PIK3C2G: variants seen among roughly 807,000 people sequenced by gnomAD.
The protein encoded by PIK3C2G is phosphatidylinositol 3-kinase C2 domain-containing subunit gamma.
In PIK3C2G, 168 loss-of-function variants were observed where a neutral mutation model predicts 181.1. The observed-to-expected ratio is 0.93, with a 90% CI of 0.82 to 1.05. The LOEUF (loss-of-function observed/expected upper bound fraction) is 1.05, where lower values mean the gene tolerates loss of function less well. PIK3C2G is among the 50% of genes least tolerant of loss of function. The pLI, the probability that PIK3C2G is intolerant of heterozygous loss-of-function variation, is 0.00. For synonymous variants in PIK3C2G, 573 were observed against 592.2 expected, an observed-to-expected ratio of 0.97 and a Z score of 0.47; for missense variants, 1,869 against 1,732.8, an observed-to-expected ratio of 1.08 and a Z score of -1.40.
intron 24 of PIK3C2G, among the ~76,000 whole-genome samples, chr12:18,508,505 G>A (rs185182418): frequency 6.6e-5 from 10 of 152,158 alleles, no homozygotes; most frequent in African/African-American, 2.2e-4. Flanking sequence ...CTATAAGTAG[G>A]ACCTTTGTAT....
At chr12:18,424,064 G>A (rs1455214576) in intron 18 of PIK3C2G, 25 bp downstream of exon 18, 2 of 1,465,444 alleles carry the variant, frequency 1.4e-6, no homozygotes, top group African/African-American at 1.4e-5. Flanking sequence ...ATCAGGCAAG[G>A]ATGCCTTTTT....
chr12:18,573,981 G>A (rs915639860), intron 29 of PIK3C2G, among the ~76,000 whole-genome samples: 1 of 152,086 alleles, frequency 6.6e-6, no homozygotes, highest in Admixed American at 6.6e-5. Flanking sequence ...ATCAAAAAAG[G>A]CTTTTAAGAT....
At chr12:18,701,606 A>ATCCTCCTCC in the PIK3C2G span, 5,248 of 1,521,608 alleles carry the variant, frequency 3.4e-3, 3 homozygotes, top group Non-Finnish European at 3.6e-3. Flanking sequence ...CTTTGAATTT[A>ATCCTCCTCC]TCCTCCTCCT....
intron 11 of PIK3C2G, among the ~76,000 whole-genome samples, chr12:18,354,865 A>T (rs2137732635): frequency 6.6e-6 from 1 of 152,328 alleles, no homozygotes; most frequent in Non-Finnish European, 1.5e-5. Context: ...AGGGAGGGGA[A>T]GCAGGCATCG....
chr12:18,465,969 T>G (rs1937826270), intron 18 of PIK3C2G, among the ~76,000 whole-genome samples: 1 of 151,582 alleles, frequency 6.6e-6, no homozygotes, highest in Non-Finnish European at 1.5e-5. Flanking sequence ...TTTTTTTATC[T>G]TCCTACACTA....
At chr12:18,669,508 A>C in the PIK3C2G span, among the ~76,000 whole-genome samples, 2 of 152,216 alleles carry the variant, frequency 1.3e-5, no homozygotes, top group African/African-American at 2.4e-5. Context: ...GGTGGCTTAA[A>C]CAACAGAAAT....
the PIK3C2G span, among the ~76,000 whole-genome samples, chr12:18,700,988 T>A: frequency 0.49 from 73,125 of 149,620 alleles, 19,130 homozygotes; most frequent in South Asian, 0.63. Flanking sequence ...ATAGAGATTT[T>A]TTTTTTTTTT....
intron 24 of PIK3C2G, among the ~76,000 whole-genome samples, chr12:18,515,785 C>A (rs1241463942): frequency 6.6e-6 from 1 of 151,782 alleles, no homozygotes; most frequent in African/African-American, 2.4e-5. Flanking sequence ...TTTCTAGTTC[C>A]ATGAGGTATA....
At chr12:18,344,314 A>T (rs533265932) in intron 10 of PIK3C2G, among the ~76,000 whole-genome samples, 15 of 152,166 alleles carry the variant, frequency 9.9e-5, no homozygotes, top group Admixed American at 2.6e-4. Flanking sequence ...TCTCAACTCT[A>T]ATTCCCACCA....
chr12:18,423,923 G>A, intron 17 of PIK3C2G, 22 bp from the exon 18 acceptor site: 1 of 1,497,638 alleles, frequency 6.7e-7, no homozygotes, highest in Middle Eastern at 1.7e-4. Context: ...GAGAAGTAAA[G>A]TAATTGTGTC....
chr12:18,250,048 A>C (rs1948080479), intron 1 of PIK3C2G, among the ~76,000 whole-genome samples: 1 of 152,082 alleles, frequency 6.6e-6, no homozygotes, highest in South Asian at 2.1e-4. Flanking sequence ...TAGCTCACTC[A>C]ATGTAACCAG....
intron 18 of PIK3C2G, among the ~76,000 whole-genome samples, chr12:18,446,758 C>T (rs1405143880): frequency 6.6e-6 from 1 of 152,152 alleles, no homozygotes. Flanking sequence ...TTTATATTAA[C>T]TTCAAGAGAA....
chr12:18,643,362 A>G (rs1288450960), intron 32 of PIK3C2G, among the ~76,000 whole-genome samples: 1 of 151,980 alleles, frequency 6.6e-6, no homozygotes, highest in Non-Finnish European at 1.5e-5. Flanking sequence ...TGGTCCATGC[A>G]TAGCCAATTC....
intron 16 of PIK3C2G, among the ~76,000 whole-genome samples, chr12:18,413,280 G>C (rs1343911187): frequency 6.6e-6 from 1 of 152,084 alleles, no homozygotes; most frequent in African/African-American, 2.4e-5. Context: ...TCCTGAAACA[G>C]AGAGACAGAG....
intron 5 of PIK3C2G, among the ~76,000 whole-genome samples, chr12:18,312,334 T>C (rs1950674513): frequency 6.6e-6 from 1 of 152,186 alleles, no homozygotes; most frequent in Non-Finnish European, 1.5e-5. Flanking sequence ...AGTAGCCATG[T>C]ATGAGGCTGA....
chr12:18,680,550 C>G, the PIK3C2G span, among the ~76,000 whole-genome samples: 447 of 152,124 alleles, frequency 2.9e-3, 4 homozygotes, highest in African/African-American at 9.9e-3. Flanking sequence ...CTGTACTCAT[C>G]TTCTATTTGA....
At chr12:18,479,121 T>C (rs1939306022) in intron 18 of PIK3C2G, among the ~76,000 whole-genome samples, 1 of 151,358 alleles carries the variant, frequency 6.6e-6, no homozygotes, top group Non-Finnish European at 1.5e-5. Context: ...TAAATACATA[T>C]AAAGTACATA....
chr12:18,713,510 A>G, the PIK3C2G span, among the ~76,000 whole-genome samples: 1 of 152,204 alleles, frequency 6.6e-6, no homozygotes, highest in African/African-American at 2.4e-5. Context: ...GCATGACAAT[A>G]CTTGCTCTCT....
Position 18,562,490 on chromosome 12 carries a change from A to G in PIK3C2G, c.3591-213A>G, listed in dbSNP as rs71435198. Among the ~76,000 whole-genome samples the G allele has an allele frequency of 3.9e-3, 600 of 152,338 alleles. 3 individuals carry two copies. Among genetic ancestry groups the G allele is most frequent in the Non-Finnish European group, 6.5e-3 (441 of 68,022 alleles). Reference sequence around the variant, plus strand: ...TATAGCAACTACAGTTTTATATTTCATCACAAGAGTTTCTTGTATGTTTAT... The same window carrying G: ...TATAGCAACTACAGTTTTATATTTCGTCACAAGAGTTTCTTGTATGTTTAT... On this transcript the variant is annotated intron_variant, in intron 26 of 32. Coordinates refer to ENST00000538779, the MANE Select transcript of PIK3C2G (RefSeq NM_001288772.2).
Sources: gnomAD v4.1 joint callset for allele counts (sites outside exome capture counted in the v4.1 genomes callset) on GRCh38, gnomAD v4.1.1 for gene constraint, MANE v1.5 for transcripts, NCBI Gene and HGNC (gene_info 2026-07-23, HGNC 2026-07-21) for gene names.